The following WTIP variants were observed in gnomAD, a reference collection of about 807,000 sequenced individuals.
WTIP encodes WT1 interacting protein.
A neutral mutation model predicts 41.7 loss-of-function variants in WTIP; 23 were observed. The observed-to-expected ratio is 0.55, with a 90% confidence interval of 0.40 to 0.78. The LOEUF (loss-of-function observed/expected upper bound fraction) is 0.78. Ranked by LOEUF, WTIP falls within the 30% of genes least tolerant of loss-of-function variation. WTIP has a pLI of 0.00. For missense variants in WTIP, 619 were observed against 610.5 expected, an observed-to-expected ratio of 1.01 and a Z score of -0.15; for synonymous variants, 314 against 269.9, an observed-to-expected ratio of 1.16 and a Z score of -1.60.
chr19:34,484,659 G>C (rs772955710), intron 1 of WTIP, among the ~76,000 whole-genome samples: 14 of 152,154 alleles, frequency 9.2e-5, no homozygotes, highest in Non-Finnish European at 1.6e-4. Flanking sequence ...GGGGAGGGGG[G>C]TGTTCTGTAG....
rs1439794182 is a variant in WTIP, at chr19:34,510,583, A to G, written c.*10314A>G. 6.6e-6 allele frequency: 1 copy of G among 152,222 alleles called. No individual in the cohort carries two copies. Among genetic ancestry groups the G allele is most frequent in the Admixed American group, 6.5e-5 (1 of 15,286 alleles). 9.4% of individuals were successfully genotyped at this position (152,222 alleles called of 1,614,324 possible). On this transcript the variant is annotated 3_prime_UTR_variant, in exon 8 of 8. Transcript: ENST00000590071. ...TTAAACATTCCCCTCCTTGTTACTTATGCAAATTTCTGCAGCCAGCTTGAA... is the reference window on the plus strand; with the variant it reads ...TTAAACATTCCCCTCCTTGTTACTTGTGCAAATTTCTGCAGCCAGCTTGAA...
intron 1 of WTIP, among the ~76,000 whole-genome samples, chr19:34,488,307 C>G (rs1362291580): frequency 6.6e-6 from 1 of 152,092 alleles, no homozygotes; most frequent in Non-Finnish European, 1.5e-5. Context: ...AACTCCTGAC[C>G]TCCTGATCCA....
At position 34,510,163 on chromosome 19, in the gene WTIP, C is replaced by T. The variant is rs1453346173; in HGVS notation, c.*9894C>T. The T allele has an allele frequency of 6.6e-6, 1 of 152,224 alleles. No homozygotes were observed. Among genetic ancestry groups the T allele is most frequent in the Admixed American group, 6.5e-5 (1 of 15,280 alleles). 9.4% of individuals were successfully genotyped at this position (152,224 alleles called of 1,614,324 possible). A position where few individuals can be genotyped will look rare whatever the true frequency, so the allele number is the denominator to read the frequency against. On this transcript the variant is annotated 3_prime_UTR_variant, in exon 8 of 8. Transcript: ENST00000590071. The stretch of plus-strand genomic sequence containing the variant: ...GTGTTTGGGCTCTGACCCCACATTT[C>T]CCTTCTGCACTGCCCTAGCAGAGGT...
Position 34,512,074 on chromosome 19 carries a change from CCTTA to C in WTIP, c.*11809_*11812del, listed in dbSNP as rs1213881999. 2 of 152,022 alleles carry C rather than the reference CCTTA, an allele frequency of 1.3e-5. No homozygotes were observed. The highest frequency in any genetic ancestry group is 4.8e-5 in the African/African-American group (2 of 41,384). 9.4% of individuals were successfully genotyped at this position (152,022 alleles called of 1,614,324 possible). A position where few individuals can be genotyped will look rare whatever the true frequency, so the allele number is the denominator to read the frequency against. ...CTTTATGGATTAGGGTCTTCAGAAG[CCTTA>C]CTTGTTTTTCTGGCTCTATTTTCTT... On this transcript the variant is annotated 3_prime_UTR_variant, in exon 8 of 8. Coordinates refer to ENST00000590071, the MANE Select transcript of WTIP (RefSeq NM_001080436.2).
intron 2 of WTIP, 70 bp from the exon 3 acceptor site, chr19:34,492,967 G>A: frequency 6.5e-7 from 1 of 1,537,128 alleles, no homozygotes; most frequent in Admixed American, 1.7e-5. Flanking sequence ...AGGGTGCTGA[G>A]AGCTGGAAGC....
At chr19:34,489,221 A>AAAAT (rs2075813370) in intron 1 of WTIP, among the ~76,000 whole-genome samples, 1 of 150,086 alleles carries the variant, frequency 6.7e-6, no homozygotes, top group African/African-American at 2.5e-5. Flanking sequence ...AAAAAAAAAA[A>AAAAT]TCCTGCATCT....
At chr19:34,490,157 C>T (rs1317440716) in intron 1 of WTIP, among the ~76,000 whole-genome samples, 4 of 152,070 alleles carry the variant, frequency 2.6e-5, no homozygotes, top group African/African-American at 7.2e-5. Context: ...CCTGGGTGCT[C>T]GGCCAAGCCC....
Position 34,500,150 on chromosome 19 carries a change from G to C in WTIP, c.1174G>C (p.Gly392Arg). ...HCEDCGLQLS[G>R]EEGRRCYPLA... Reference sequence around the variant, plus strand: ...CTAGGACTGCGGGCTGCAGCTGAGCGGGGAGGAGGGACGCCGTTGCTATCC... The same window carrying C: ...CTAGGACTGCGGGCTGCAGCTGAGCCGGGAGGAGGGACGCCGTTGCTATCC... Residue 392 changes from glycine (G) to arginine (R), a missense_variant, in exon 8 of 8, where the codon GGG becomes CGG. Physicochemically the swap from Gly to Arg is moderately radical, Grantham distance 125 (BLOSUM62 -2). This residue lies in a region of WTIP where 92 missense variants were observed against 82.4 expected (regional missense o/e 1.12). Transcript: ENST00000590071. 6.2e-7 allele frequency: 1 copy of C among 1,600,748 alleles called. No homozygotes were observed. The highest frequency in any genetic ancestry group is 8.5e-7 in the Non-Finnish European group (1 of 1,179,760).
intron 1 of WTIP, among the ~76,000 whole-genome samples, chr19:34,489,380 C>G (rs1157602018): frequency 6.6e-6 from 1 of 151,884 alleles, no homozygotes; most frequent in African/African-American, 2.4e-5. Context: ...CATCTGTGTG[C>G]TGACTGACCA....
At chr19:34,497,155 A>G (rs753116435) in intron 7 of WTIP, among the ~76,000 whole-genome samples, 13 of 152,048 alleles carry the variant, frequency 8.5e-5, no homozygotes, top group Non-Finnish European at 1.8e-4. Flanking sequence ...GAGCCACCAC[A>G]CCAGGCCTTC....
In WTIP at chr19:34,496,846, G is replaced by A. The variant is rs888790315; in HGVS notation, c.1152+1075G>A. 7.9e-5 allele frequency among the ~76,000 whole-genome samples: 12 copies of A among 151,840 alleles called. No individual in the cohort carries two copies. In the South Asian group the frequency reaches 8.3e-4, roughly 11 times the overall value. ...GCTGTGGGAATTTGGGGTCACTGGC[G>A]TGTGGCGCTCTCTTCTCTGAATCTT... On this transcript the variant is annotated intron_variant, in intron 7 of 7. Transcript: ENST00000590071.
intron 7 of WTIP, among the ~76,000 whole-genome samples, chr19:34,499,682 C>G (rs980217803): frequency 6.6e-6 from 1 of 152,116 alleles, no homozygotes; most frequent in African/African-American, 2.4e-5. Context: ...TCCCATACCC[C>G]CTCTGGCAGA....
intron 7 of WTIP, among the ~76,000 whole-genome samples, chr19:34,499,655 G>A (rs1265306225): frequency 6.6e-6 from 1 of 151,822 alleles, no homozygotes; most frequent in East Asian, 1.9e-4. Context: ...CCAGTCTCCA[G>A]TGCTCCACGC....
At position 34,482,430 on chromosome 19, in the gene WTIP, GGCCGGC is replaced by G. The variant is rs2075772552; in HGVS notation, c.460_465del (p.Gly154_Ala155del). On this transcript the variant is annotated inframe_deletion, in exon 1 of 8. Transcript: ENST00000590071. ...TTTCCAGCCTCGGCTCCCGGGGCTC[GGCCGGC>G]GCCTACGCTGACTTCCTCCCGCCCG... 7.5e-7 allele frequency: 1 copy of G among 1,341,276 alleles called. No homozygotes were observed. Among genetic ancestry groups the G allele is most frequent in the South Asian group, 1.7e-5 (1 of 60,068 alleles). 83.1% of individuals were successfully genotyped at this position (1,341,276 alleles called of 1,614,324 possible).
At position 34,505,737 on chromosome 19, in the gene WTIP, C is replaced by G. The variant is rs911696995; in HGVS notation, c.*5468C>G. ...GGCACACAGGACACAGCTGGCTCAC[C>G]CTCTTCTCTGACAGCACCTGGGCCA... On this transcript the variant is annotated 3_prime_UTR_variant, in exon 8 of 8. Coordinates refer to ENST00000590071, the MANE Select transcript of WTIP (RefSeq NM_001080436.2). The G allele has an allele frequency of 2.0e-5, 3 of 152,590 alleles. No individual in the cohort carries two copies. The highest frequency in any genetic ancestry group is 7.2e-5 in the African/African-American group (3 of 41,456). The allele number at this position is 152,590 out of a possible 1,614,324, so 9.5% of individuals were successfully genotyped here.
At chr19:34,495,819 C>T (rs760212494) in intron 7 of WTIP, 48 bp downstream of exon 7, 2 of 1,585,082 alleles carry the variant, frequency 1.3e-6, no homozygotes, top group Non-Finnish European at 1.7e-6. Flanking sequence ...GGCCTCCTCC[C>T]ACAGGGCTCT....
At chr19:34,490,607 A>C (rs1568398919) in intron 2 of WTIP, 130 bp downstream of exon 2, 1 of 965,164 alleles carries the variant, frequency 1.0e-6, no homozygotes, top group South Asian at 1.6e-5. Flanking sequence ...TGGGCTGTGG[A>C]GGACTCTGTC....
rs45507094 is a variant in WTIP at position 34,493,484 on chromosome 19, G to A, written c.901-8G>A. On this transcript the variant is annotated splice_region_variant and splice_polypyrimidine_tract_variant and intron_variant, in intron 4 of 7. Transcript: ENST00000590071. This position sits in a 1 kb window ranked among gnomAD's most constrained non-coding sequence, Gnocchi z 4.1. Reference sequence around the variant, plus strand: ...CCGCGCTGACCCCTCAGTGTGCCCCGCCCACAGATCCTGCAGGCCCTGGGC... The same window carrying A: ...CCGCGCTGACCCCTCAGTGTGCCCCACCCACAGATCCTGCAGGCCCTGGGC... 5.6e-6 allele frequency: 9 copies of A among 1,613,066 alleles called. No individual in the cohort carries two copies. The highest frequency in any genetic ancestry group is 3.3e-5 in the Admixed American group (2 of 59,946).
intron 6 of WTIP, 100 bp downstream of exon 6, chr19:34,494,737 G>A: frequency 1.6e-6 from 2 of 1,247,736 alleles, no homozygotes; most frequent in Non-Finnish European, 2.2e-6. Context: ...CAGTGGGAGG[G>A]ATGAGCAGGT....
Sources: allele counts gnomAD v4.1 joint callset (sites outside exome capture counted in the v4.1 genomes callset), GRCh38; gene constraint gnomAD v4.1.1; regional missense constraint gnomAD v4.1.1; non-coding constraint Gnocchi (gnomAD v3.1); transcripts MANE v1.5; gene names NCBI Gene and HGNC (gene_info 2026-07-23, HGNC 2026-07-21).